The following POU6F2 variants were observed in gnomAD, a reference collection of about 807,000 sequenced individuals.
The protein encoded by POU6F2 is POU domain, class 6, transcription factor 2.
In POU6F2, 31 loss-of-function variants were observed where a neutral mutation model predicts 71.3. The ratio of observed to expected loss-of-function variants is 0.43; its 90% CI spans 0.33 to 0.59. The LOEUF is 0.59. Ranked by LOEUF, POU6F2 falls within the 20% of genes least tolerant of loss-of-function variation. POU6F2 has a pLI of 0.04. For missense variants in POU6F2, 783 were observed against 856.8 expected (o/e 0.91, Z 1.07); for synonymous variants, 347 against 355.7 (o/e 0.98, Z 0.27).
chr7:39,121,891 G>GT (rs1445925434), intron 2 of POU6F2, among the ~76,000 whole-genome samples: 1 of 152,120 alleles, frequency 6.6e-6, no homozygotes, highest in African/African-American at 2.4e-5. Flanking sequence ...TAGAGATGGG[G>GT]TTTCACCATG....
At chr7:39,225,651 C>T (rs1446858555) in intron 4 of POU6F2, among the ~76,000 whole-genome samples, 3 of 152,174 alleles carry the variant, frequency 2.0e-5, no homozygotes, top group African/African-American at 7.2e-5. Context: ...TCCACATCCA[C>T]GACATTCATA....
intron 2 of POU6F2, among the ~76,000 whole-genome samples, chr7:39,148,519 T>C (rs1326890951): frequency 6.6e-6 from 1 of 152,148 alleles, no homozygotes; most frequent in Non-Finnish European, 1.5e-5. Context: ...ATGATGATAA[T>C]GATGTTGATG....
In POU6F2 at chr7:39,375,333, T is replaced by G. The variant is rs1245397789; in HGVS notation, c.973-31267T>G. 2.0e-5 allele frequency among the ~76,000 whole-genome samples: 3 copies of G among 152,310 alleles called. No homozygotes were observed. In the East Asian group the frequency reaches 5.8e-4, roughly 29 times the overall value. On this transcript the variant is annotated intron_variant, in intron 5 of 9. Transcript: ENST00000518318. ...AGAGATGGCATTTTGTTTCAGCCATTAAATGAATAAATATTTTTCTCCTAG... is the reference window on the plus strand; with the variant it reads ...AGAGATGGCATTTTGTTTCAGCCATGAAATGAATAAATATTTTTCTCCTAG...
intron 1 of POU6F2, among the ~76,000 whole-genome samples, chr7:39,074,981 C>T (rs2128718849): frequency 6.6e-6 from 1 of 152,226 alleles, no homozygotes; most frequent in Non-Finnish European, 1.5e-5. Context: ...GAGAACTGTG[C>T]CCTTCAGTGA....
chr7:39,062,849 T>TTTG (rs144783622), intron 1 of POU6F2, among the ~76,000 whole-genome samples: 100 of 148,478 alleles, frequency 6.7e-4, no homozygotes, highest in African/African-American at 2.4e-3. Flanking sequence ...CCCAGGAGTT[T>TTTG]TTTGTTTGTT....
intron 1 of POU6F2, among the ~76,000 whole-genome samples, chr7:39,026,824 C>T (rs1031109012): frequency 2.6e-5 from 4 of 151,720 alleles, no homozygotes; most frequent in Non-Finnish European, 5.9e-5. Context: ...ATTGATAGTC[C>T]CAGAAAAGAT....
chr7:39,459,599 C>G (rs1300500777), intron 8 of POU6F2, among the ~76,000 whole-genome samples: 1 of 151,982 alleles, frequency 6.6e-6, no homozygotes, highest in Admixed American at 6.6e-5. Context: ...TGGGCTATTG[C>G]GCAGAAAAAG....
intron 4 of POU6F2, among the ~76,000 whole-genome samples, chr7:39,268,027 A>C (rs1784281383): frequency 6.6e-6 from 1 of 152,178 alleles, no homozygotes; most frequent in Non-Finnish European, 1.5e-5. Context: ...CAGCAATCCC[A>C]CAGACAAGCT....
At chr7:39,159,354 T>C (rs898409843) in intron 2 of POU6F2, among the ~76,000 whole-genome samples, 5 of 152,142 alleles carry the variant, frequency 3.3e-5, no homozygotes, top group Admixed American at 3.3e-4. Context: ...CCCCAATCCA[T>C]TCTTCAACGC....
chr7:39,144,952 T>C (rs1562722379), intron 2 of POU6F2, among the ~76,000 whole-genome samples: 2 of 152,178 alleles, frequency 1.3e-5, no homozygotes, highest in South Asian at 2.1e-4. Flanking sequence ...TATTGACTCA[T>C]GCGGAATTTA....
At chr7:38,997,530 A>G (rs528970984) in intron 1 of POU6F2, among the ~76,000 whole-genome samples, 1 of 152,222 alleles carries the variant, frequency 6.6e-6, no homozygotes, top group Admixed American at 6.5e-5. Flanking sequence ...TGGCATCCAC[A>G]TTCTGTTTTC....
At chr7:39,329,937 A>C (rs1785604383) in intron 4 of POU6F2, among the ~76,000 whole-genome samples, 1 of 152,246 alleles carries the variant, frequency 6.6e-6, no homozygotes, top group Non-Finnish European at 1.5e-5. Context: ...TGCTGTTATA[A>C]TATAAAATGT....
chr7:39,236,256 A>T (rs2128750719), intron 4 of POU6F2, among the ~76,000 whole-genome samples: 1 of 152,304 alleles, frequency 6.6e-6, no homozygotes, highest in South Asian at 2.1e-4. Flanking sequence ...TAATGGATGC[A>T]TTCAAGGTTA....
intron 1 of POU6F2, among the ~76,000 whole-genome samples, chr7:39,056,662 C>CTCTCTCTCTG (rs1554313685): frequency 2.6e-5 from 3 of 113,328 alleles, no homozygotes; most frequent in African/African-American, 1.1e-4. Flanking sequence ...CTCTCTCTCT[C>CTCTCTCTCTG]TGTGTGTGTG....
intron 2 of POU6F2, among the ~76,000 whole-genome samples, chr7:39,174,202 T>C (rs1793282191): frequency 6.6e-6 from 1 of 152,172 alleles, no homozygotes; most frequent in African/African-American, 2.4e-5. Flanking sequence ...ACTTAGAAAA[T>C]GTGACCAAAT....
chr7:39,101,391 A>G (rs1312301956), intron 2 of POU6F2, among the ~76,000 whole-genome samples: 1 of 151,660 alleles, frequency 6.6e-6, no homozygotes, highest in Non-Finnish European at 1.5e-5. Flanking sequence ...TCTTTTCATA[A>G]TCAGTCCTGA....
intron 1 of POU6F2, among the ~76,000 whole-genome samples, chr7:39,001,718 TATAATGGTGATG>T (rs1788915911): frequency 6.6e-6 from 1 of 151,632 alleles, no homozygotes. Context: ...GTGATGATGA[TATAATGGTGATG>T]GTAATGGTGA....
At chr7:39,102,904 T>TAA (rs1490498685) in intron 2 of POU6F2, among the ~76,000 whole-genome samples, 6 of 152,224 alleles carry the variant, frequency 3.9e-5, no homozygotes, top group Non-Finnish European at 7.3e-5. Flanking sequence ...TGTTGGTATT[T>TAA]GTGTGTTTAA....
intron 4 of POU6F2, among the ~76,000 whole-genome samples, chr7:39,304,965 C>T (rs890277492): frequency 3.3e-5 from 5 of 152,208 alleles, no homozygotes; most frequent in African/African-American, 1.2e-4. Flanking sequence ...TGTTAGAAGA[C>T]GCAACACATA....
Sources: gnomAD v4.1 joint callset for allele counts (sites outside exome capture counted in the v4.1 genomes callset) on GRCh38, gnomAD v4.1.1 for gene constraint, MANE v1.5 for transcripts, NCBI Gene and HGNC (gene_info 2026-07-23, HGNC 2026-07-21) for gene names.